AAMDC: variants seen among roughly 807,000 people sequenced by gnomAD.
AAMDC encodes the protein adipogenesis associated Mth938 domain containing, also known as mth938 domain-containing protein.
In AAMDC, 16 loss-of-function variants were observed where a neutral mutation model predicts 15.5. The ratio of observed to expected loss-of-function variants is 1.03; its 90% CI spans 0.70 to 1.57. AAMDC has a LOEUF of 1.57. AAMDC is among the 40% of genes most tolerant of loss of function. The pLI is 0.00. For missense variants in AAMDC, 141 were observed against 144.9 expected, an observed-to-expected ratio of 0.97 and a Z score of 0.14; for synonymous variants, 51 against 51.6, an observed-to-expected ratio of 0.99 and a Z score of 0.05.
intron 1 of AAMDC, among the ~76,000 whole-genome samples, chr11:77,821,637 G>T (rs1291646886): frequency 1.3e-5 from 2 of 151,998 alleles, no homozygotes. Flanking sequence ...GAATCGGAGT[G>T]TGGGCTGGGA....
At chr11:77,877,497 T>C (rs1342492225) in intron 5 of AAMDC, among the ~76,000 whole-genome samples, 3 of 152,212 alleles carry the variant, frequency 2.0e-5, no homozygotes, top group Non-Finnish European at 4.4e-5. Context: ...ATTATCTTCG[T>C]TTCACAGATG....
At chr11:77,826,938 CTACTAAAAA>C (rs1949203386) in intron 1 of AAMDC, among the ~76,000 whole-genome samples, 1 of 152,104 alleles carries the variant, frequency 6.6e-6, no homozygotes, top group African/African-American at 2.4e-5. Flanking sequence ...AACACCATCT[CTACTAAAAA>C]TACAAAAATT....
intron 5 of AAMDC, among the ~76,000 whole-genome samples, chr11:77,887,338 T>A (rs1271257597): frequency 6.6e-6 from 1 of 152,304 alleles, no homozygotes; most frequent in African/African-American, 2.4e-5. Context: ...ATTATCTCAA[T>A]AGAGGCAGAA....
At chr11:77,833,124 C>T (rs1018161972) in intron 1 of AAMDC, among the ~76,000 whole-genome samples, 1 of 150,376 alleles carries the variant, frequency 6.6e-6, no homozygotes, top group African/African-American at 2.5e-5. Context: ...AATTCTCCTG[C>T]CTCGGCTTTG....
intron 5 of AAMDC, among the ~76,000 whole-genome samples, chr11:77,886,513 C>G (rs1250499882): frequency 6.6e-6 from 1 of 152,176 alleles, no homozygotes. Flanking sequence ...CAATGAAGCA[C>G]GGGTAAACGG....
chr11:77,877,495 C>T (rs1002746116), intron 5 of AAMDC, among the ~76,000 whole-genome samples: 6 of 152,186 alleles, frequency 3.9e-5, no homozygotes, highest in African/African-American at 1.2e-4. Flanking sequence ...CAATTATCTT[C>T]GTTTCACAGA....
chr11:77,823,887 C>T (rs1949051388), intron 1 of AAMDC, among the ~76,000 whole-genome samples: 1 of 151,586 alleles, frequency 6.6e-6, no homozygotes, highest in Admixed American at 6.6e-5. Context: ...TCACTTCCCA[C>T]ATTCCAGTGA....
intron 5 of AAMDC, chr11:77,884,732 T>TC: frequency 3.0e-6 from 1 of 334,616 alleles, no homozygotes. Context: ...TCATGGGGCC[T>TC]CCCCCTGATT....
chr11:77,851,699 T>G (rs569344230), intron 2 of AAMDC, among the ~76,000 whole-genome samples: 2 of 152,236 alleles, frequency 1.3e-5, no homozygotes, highest in East Asian at 3.9e-4. Context: ...TGCTCCTGCT[T>G]TCATCATATG....
chr11:77,833,052 C>A (rs1170484421), intron 1 of AAMDC, among the ~76,000 whole-genome samples: 1 of 124,156 alleles, frequency 8.1e-6, no homozygotes, highest in African/African-American at 3.2e-5. Flanking sequence ...CATTCTGTCA[C>A]CCAGGCTGGA....
chr11:77,846,614 G>A (rs1950158177), intron 2 of AAMDC, among the ~76,000 whole-genome samples: 1 of 152,218 alleles, frequency 6.6e-6, no homozygotes, highest in Non-Finnish European at 1.5e-5. Flanking sequence ...GCTGAGGCAG[G>A]AGAATCGCTT....
chr11:77,877,862 G>C (rs1355180854), intron 5 of AAMDC, among the ~76,000 whole-genome samples: 5 of 151,960 alleles, frequency 3.3e-5, no homozygotes. Flanking sequence ...TGGGATTATA[G>C]GCATGAGCCA....
chr11:77,836,905 C>T (rs968591000), intron 1 of AAMDC, among the ~76,000 whole-genome samples: 11 of 151,938 alleles, frequency 7.2e-5, no homozygotes, highest in Non-Finnish European at 1.5e-4. Context: ...GCGGAGGTTG[C>T]GGTGAGCCAA....
intron 2 of AAMDC, among the ~76,000 whole-genome samples, chr11:77,863,167 G>A (rs141053806): frequency 1.7e-3 from 252 of 152,256 alleles, no homozygotes; most frequent in African/African-American, 5.9e-3. Context: ...GAAGAGAACC[G>A]TGGAACCCAG....
chr11:77,825,218 G>A (rs1302331060), intron 1 of AAMDC, among the ~76,000 whole-genome samples: 2 of 151,832 alleles, frequency 1.3e-5, no homozygotes, highest in African/African-American at 2.4e-5. Flanking sequence ...TCCTGACCTT[G>A]TGATCTGCTC....
chr11:77,821,576 G>A (rs2136006343), intron 1 of AAMDC, among the ~76,000 whole-genome samples: 1 of 152,240 alleles, frequency 6.6e-6, no homozygotes, highest in Middle Eastern at 3.4e-3. Flanking sequence ...AGGAGACCAG[G>A]CTCTGCTAGG....
intron 1 of AAMDC, among the ~76,000 whole-genome samples, chr11:77,826,100 G>A (rs2136040179): frequency 6.6e-6 from 1 of 152,302 alleles, no homozygotes; most frequent in African/African-American, 2.4e-5. Flanking sequence ...TGAGCGGGTA[G>A]CCAGAAGCAG....
chr11:77,901,207 A>G, downstream of AAMDC: 1 of 616,346 alleles, frequency 1.6e-6, no homozygotes, highest in East Asian at 2.8e-5. Flanking sequence ...GAGGGTTTTT[A>G]GCAAGGGAGA....
At chr11:77,837,494 A>G (rs1949738320) in intron 1 of AAMDC, among the ~76,000 whole-genome samples, 1 of 151,782 alleles carries the variant, frequency 6.6e-6, no homozygotes, top group Non-Finnish European at 1.5e-5. Context: ...TCGCTCTGTC[A>G]CCCAGGCTGG....
Sources: allele counts gnomAD v4.1 joint callset (sites outside exome capture counted in the v4.1 genomes callset), GRCh38; gene constraint gnomAD v4.1.1; transcripts MANE v1.5; gene names NCBI Gene and HGNC (gene_info 2026-07-23, HGNC 2026-07-21).